The following GYS1 variants were observed in gnomAD, a reference collection of about 807,000 sequenced individuals.
GYS1 encodes glycogen synthase 1.
In GYS1, 60 loss-of-function variants were observed where a neutral mutation model predicts 89.1. The ratio of observed to expected loss-of-function variants is 0.67; its 90% CI spans 0.55 to 0.84. The LOEUF (loss-of-function observed/expected upper bound fraction) is 0.84, where lower values mean the gene tolerates loss of function less well. GYS1 is among the 40% of genes least tolerant of loss of function. The pLI is 0.00. For missense variants in GYS1, 888 were observed against 1,003.1 expected, an observed-to-expected ratio of 0.89 and a Z score of 1.55; for synonymous variants, 366 against 401.7, an observed-to-expected ratio of 0.91 and a Z score of 1.06.
At chr19:48,974,824 G>C in intron 10 of GYS1, 91 bp from the exon 11 acceptor site, 2 of 874,026 alleles carry the variant, frequency 2.3e-6, no homozygotes, top group Admixed American at 3.8e-5. Context: ...GGGGAGCCAA[G>C]GAGACCACAA....
chr19:48,969,412 G>A lies in GYS1; in HGVS notation c.2090C>T (p.Ala697Val). The change falls in exon 16 of 16, where the codon GCG (alanine) becomes GTG (valine). Residue 697 changes from alanine to valine, a missense_variant. By Grantham distance (64) the Ala-to-Val change is moderately conservative. Coordinates refer to ENST00000323798, the MANE Select transcript of GYS1 (RefSeq NM_002103.5). The stretch of plus-strand genomic sequence containing the variant: ...GCCGCTGGTGGAGGAGGTGCAGGAC[G>A]CTCGGCGCGGCCACTCTGGTGCACG... ...NIRAPEWPRR[A>V]SCTSSTSGSK... 1.3e-6 allele frequency: 2 copies of A among 1,549,600 alleles called. No individual in the cohort carries two copies. Among genetic ancestry groups the A allele is most frequent in the Non-Finnish European group, 1.7e-6 (2 of 1,150,596 alleles).
At chr19:48,978,530 T>TTTATTATTATTATTATTATTA (rs71294392) in intron 8 of GYS1, among the ~76,000 whole-genome samples, 1,528 of 146,720 alleles carry the variant, frequency 0.01, 12 homozygotes, top group Middle Eastern at 0.028. Context: ...CAGCAGTTTA[T>TTTATTATTATTATTATTATTA]TTATTATTAT....
At chr19:48,970,108 G>A (rs2122456354) in intron 14 of GYS1, among the ~76,000 whole-genome samples, 1 of 152,228 alleles carries the variant, frequency 6.6e-6, no homozygotes, top group East Asian at 1.9e-4. Context: ...TTATGCAAAT[G>A]AGAACGCCTG....
In GYS1 at chr19:48,982,302, C is replaced by A. The variant is rs2038777847; in HGVS notation, c.1015G>T (p.Ala339Ser). 1 of 1,613,838 alleles carries A rather than the reference C, an allele frequency of 6.2e-7. No homozygotes were observed. Among genetic ancestry groups the A allele is most frequent in the Non-Finnish European group, 8.5e-7 (1 of 1,179,812 alleles). ...GCCAATGCCTCCAGGAAGACGTCAGCACCCTTGTTGGAGAACTCATAGCGG... is the reference window on the plus strand; with the variant it reads ...GCCAATGCCTCCAGGAAGACGTCAGAACCCTTGTTGGAGAACTCATAGCGG... ...AGRYEFSNKGADVFLEALARL... is the reference protein window; with the variant it reads ...AGRYEFSNKGSDVFLEALARL... Residue 339 changes from alanine to serine, a missense_variant, in exon 7 of 16, where the codon GCT (alanine) becomes TCT (serine). Coordinates refer to ENST00000323798, the MANE Select transcript of GYS1 (RefSeq NM_002103.5).
chr19:48,993,042 A>C lies in GYS1; in HGVS notation c.71T>G (p.Leu24Arg). The C allele has an allele frequency of 6.2e-7, 1 of 1,613,492 alleles. No individual in the cohort carries two copies. ...CACTTCGAAGAGCACTGCGTTCTCC[A>C]GGTCGAATTCATCCTCCCAGTCCTC... ...GLEDWEDEFD[L>R]ENAVLFEVAW... The change falls in exon 1 of 16, where the codon CTG (leucine) becomes CGG (arginine). Residue 24 changes from leucine to arginine, a missense_variant. Leu to Arg is a moderately radical substitution (Grantham distance 102). Coordinates refer to ENST00000323798, the MANE Select transcript of GYS1 (RefSeq NM_002103.5).
At chr19:48,971,555 CT>C (rs201952082) in intron 12 of GYS1, among the ~76,000 whole-genome samples, 2,912 of 144,394 alleles carry the variant, frequency 0.02, 85 homozygotes, top group Admixed American at 0.067. Context: ...GATTTTTATG[CT>C]TTTTTTTTTT....
chr19:48,985,814 A>G, intron 4 of GYS1, 36 bp downstream of exon 4: 1 of 1,608,414 alleles, frequency 6.2e-7, no homozygotes. Context: ...TTCCTGGCAT[A>G]CTCGCAGTCC....
intron 2 of GYS1, among the ~76,000 whole-genome samples, chr19:48,990,056 G>T (rs1279108259): frequency 5.6e-5 from 8 of 143,808 alleles, no homozygotes; most frequent in Non-Finnish European, 1.2e-4. Context: ...CTGCCCTCAG[G>T]AAGCGACTGG....
chr19:48,975,059 T>C (rs1339359155), intron 10 of GYS1, among the ~76,000 whole-genome samples: 2 of 151,866 alleles, frequency 1.3e-5, no homozygotes, highest in South Asian at 2.1e-4. Flanking sequence ...GCCTCCCGAG[T>C]AGCTGGAACT....
In GYS1 at chr19:48,974,631, C is replaced by A; in HGVS notation, c.1411G>T (p.Asp471Tyr). 6.2e-7 allele frequency: 1 copy of A among 1,612,082 alleles called. No individual in the cohort carries two copies. Among genetic ancestry groups the A allele is most frequent in the Non-Finnish European group, 8.5e-7 (1 of 1,178,196 alleles). ...CCAAATGCCCTCACCTTCACCCTGT[C>A]GGCACTGCTATTGAAGAGGCCGATT... is the stretch of plus-strand genomic sequence containing the variant. ...RRIGLFNSSA[D>Y]RVKVIFHPEF... Residue 471 changes from aspartate to tyrosine, a missense_variant, in exon 11 of 16, where the codon GAC becomes TAC. By Grantham distance (160) the Asp-to-Tyr change is radical. Transcript: ENST00000323798.
In GYS1 at chr19:48,968,160, C is replaced by A. The variant is rs1262389508; in HGVS notation, c.*1128G>T. ...AAATATAGATGTATTTTTTTCATCTCATCTCCGGACACACTCCAATCACAC... is the reference window on the plus strand; with the variant it reads ...AAATATAGATGTATTTTTTTCATCTAATCTCCGGACACACTCCAATCACAC... On this transcript the variant is annotated 3_prime_UTR_variant, in exon 16 of 16. Transcript: ENST00000323798. 8.9e-6 allele frequency: 4 copies of A among 449,434 alleles called. No homozygotes were observed. Among genetic ancestry groups the A allele is most frequent in the Admixed American group, 4.8e-5 (2 of 41,394 alleles). The allele number at this position is 449,434 out of a possible 1,614,324, so 27.8% of individuals were successfully genotyped here.
chr19:48,971,127 T>G (rs2122463107), intron 12 of GYS1, 104 bp from the exon 13 acceptor site: 1 of 802,474 alleles, frequency 1.2e-6, no homozygotes, highest in Admixed American at 1.9e-5. Flanking sequence ...CTGTACCAAG[T>G]GCCAGGCGCT....
chr19:48,984,218 G>C (rs1392310577), intron 5 of GYS1, among the ~76,000 whole-genome samples: 1 of 151,990 alleles, frequency 6.6e-6, no homozygotes, highest in Non-Finnish European at 1.5e-5. Flanking sequence ...TGTTGGCCAG[G>C]CTGGTCTTGA....
chr19:48,969,838 G>T lies in GYS1; in HGVS notation c.1827C>A (p.Arg609=), dbSNP rs1411135010. 1 of 1,613,600 alleles carries T rather than the reference G, an allele frequency of 6.2e-7. No individual in the cohort carries two copies. The highest frequency in any genetic ancestry group is 1.3e-5 in the African/African-American group (1 of 75,042). The change falls in exon 15 of 16, where the codon CGC becomes CGA. Residue 609 remains arginine, a synonymous_variant. Coordinates refer to ENST00000323798, the MANE Select transcript of GYS1 (RefSeq NM_002103.5). ...KYLGRYYMSA[R]HMALSKAFPE... ...GAAAGGCCTTGGACAGCGCCATGTG[G>T]CGCGCAGACATATAGTACTAGGGGA...
At chr19:48,988,281 A>C (rs1019935615) in intron 2 of GYS1, among the ~76,000 whole-genome samples, 1 of 151,962 alleles carries the variant, frequency 6.6e-6, no homozygotes, top group Non-Finnish European at 1.5e-5. Context: ...TCTCTTACCA[A>C]CCATCTGCAT....
At chr19:48,987,439 T>G in intron 2 of GYS1, 54 bp from the exon 3 acceptor site, 1 of 1,362,308 alleles carries the variant, frequency 7.3e-7, no homozygotes, top group African/African-American at 1.4e-5. Flanking sequence ...CAGCCTCATA[T>G]CTTCACTCAT....
At chr19:48,982,859 C>T (rs761796361) in intron 5 of GYS1, 22 bp from the exon 6 acceptor site, 2 of 1,398,668 alleles carry the variant, frequency 1.4e-6, no homozygotes, top group Non-Finnish European at 2.0e-6. Context: ...GGTGAGGGTC[C>T]CATGTTTTAT....
rs776504549 is a variant in GYS1 at position 48,971,011 on chromosome 19, A to G, written c.1562T>C (p.Val521Ala). 1 of 1,613,244 alleles carries G rather than the reference A, an allele frequency of 6.2e-7. No homozygotes were observed. Among genetic ancestry groups the G allele is most frequent in the Non-Finnish European group, 8.5e-7 (1 of 1,179,236 alleles). ...GGTGGAGATACTGGGGATTCCCATA[A>G]CCGTGCACTCAGCTGCGGGAAGGCA... Reference protein sequence around the residue: ...PWGYTPAECTVMGIPSISTNL... With the variant: ...PWGYTPAECTAMGIPSISTNL... The change falls in exon 13 of 16, where the codon GTT becomes GCT. Residue 521 changes from valine to alanine, a missense_variant. Transcript: ENST00000323798.
In GYS1 at chr19:48,968,326, T is replaced by G; in HGVS notation, c.*962A>C. 4.4e-6 allele frequency: 2 copies of G among 454,430 alleles called. No homozygotes were observed. The highest frequency in any genetic ancestry group is 8.8e-6 in the Non-Finnish European group (2 of 226,776). 28.1% of individuals were successfully genotyped at this position (454,430 alleles called of 1,614,324 possible). On this transcript the variant is annotated 3_prime_UTR_variant, in exon 16 of 16. Coordinates refer to ENST00000323798, the MANE Select transcript of GYS1 (RefSeq NM_002103.5). Reference sequence around the variant, plus strand: ...AGCCTCGAGGTAAATGTGGGGGTTCTAGAACCCAGTGACCTCAGTTCTGGA... The same window carrying G: ...AGCCTCGAGGTAAATGTGGGGGTTCGAGAACCCAGTGACCTCAGTTCTGGA...
Sources: gnomAD v4.1 joint callset for allele counts (sites outside exome capture counted in the v4.1 genomes callset) on GRCh38, gnomAD v4.1.1 for gene constraint, MANE v1.5 for transcripts, NCBI Gene and HGNC (gene_info 2026-07-23, HGNC 2026-07-21) for gene names.